GLI3: variants seen among roughly 807,000 people sequenced by gnomAD.
GLI3 encodes transcription activator GLI3.
In GLI3, 20 loss-of-function variants were observed where a neutral mutation model predicts 100.8. That is an observed-to-expected ratio of 0.20 (90% CI 0.14 to 0.29). The LOEUF is 0.29. GLI3 is among the 10% of genes least tolerant of loss of function. The pLI is 1.00. For synonymous variants in GLI3, 938 were observed against 860.5 expected (o/e 1.09, Z -1.58); for missense variants, 2,040 against 2,128.5 (o/e 0.96, Z 0.82).
intron 6 of GLI3, among the ~76,000 whole-genome samples, chr7:42,044,206 T>G (rs1784199285): frequency 6.6e-6 from 1 of 152,136 alleles, no homozygotes. Context: ...CCAAATAGAT[T>G]GTAAATGGAA....
intron 1 of GLI3, among the ~76,000 whole-genome samples, chr7:42,243,720 G>A (rs572563642): frequency 2.0e-5 from 3 of 152,312 alleles, no homozygotes; most frequent in African/African-American, 7.2e-5. Context: ...TGAGCCCCAT[G>A]TTAACATTCA....
chr7:42,132,171 G>A (rs1056418206), intron 3 of GLI3, among the ~76,000 whole-genome samples: 1 of 151,898 alleles, frequency 6.6e-6, no homozygotes, highest in African/African-American at 2.4e-5. Context: ...TTCAATCTCG[G>A]CTCACTGCAA....
chr7:42,065,174 A>C (rs1784649626), intron 4 of GLI3, among the ~76,000 whole-genome samples: 1 of 148,850 alleles, frequency 6.7e-6, no homozygotes, highest in Non-Finnish European at 1.5e-5. Flanking sequence ...ATTTTATAAA[A>C]ATTATATTTT....
chr7:42,261,978 CTCTT>C (rs141164464), intron 1 of GLI3, among the ~76,000 whole-genome samples: 112,486 of 140,318 alleles, frequency 0.8, 45,395 homozygotes, highest in Middle Eastern at 0.9. Context: ...CTCTCGCTCT[CTCTT>C]TCTTTCTTTC....
chr7:42,124,738 G>A (rs906175889), intron 3 of GLI3, among the ~76,000 whole-genome samples: 1 of 152,166 alleles, frequency 6.6e-6, no homozygotes, highest in African/African-American at 2.4e-5. Context: ...AAAGTGTCGG[G>A]ACAAAGTTTA....
intron 3 of GLI3, among the ~76,000 whole-genome samples, chr7:42,127,957 T>TGC (rs147965422): frequency 0.011 from 1,613 of 147,436 alleles, 25 homozygotes; most frequent in African/African-American, 0.038. Flanking sequence ...AGGCGGAAGT[T>TGC]GCAGTGAGCC....
chr7:42,217,480 C>T (rs1479137465), intron 2 of GLI3, among the ~76,000 whole-genome samples: 1 of 152,152 alleles, frequency 6.6e-6, no homozygotes, highest in Non-Finnish European at 1.5e-5. Flanking sequence ...CAGCACAAAC[C>T]ACCAGTTCAA....
At chr7:42,048,759 G>T in intron 4 of GLI3, 63 bp from the exon 5 acceptor site, 1 of 1,075,094 alleles carries the variant, frequency 9.3e-7, no homozygotes, top group Non-Finnish European at 1.4e-6. Flanking sequence ...ACAGGCAGAG[G>T]CTGTCTCTGA....
intron 1 of GLI3, among the ~76,000 whole-genome samples, chr7:42,244,471 G>T (rs1788953310): frequency 6.6e-6 from 1 of 152,136 alleles, no homozygotes; most frequent in African/African-American, 2.4e-5. Context: ...AATCAAAGTT[G>T]AGCCTGAAAT....
chr7:42,076,254 C>T (rs544339981), intron 4 of GLI3, among the ~76,000 whole-genome samples: 3 of 152,282 alleles, frequency 2.0e-5, no homozygotes, highest in East Asian at 1.9e-4. Context: ...ACCATGTGCT[C>T]GATCACATTT....
chr7:42,111,515 G>A (rs1006143819), intron 3 of GLI3, among the ~76,000 whole-genome samples: 4 of 152,144 alleles, frequency 2.6e-5, no homozygotes, highest in Non-Finnish European at 5.9e-5. Flanking sequence ...CATTACCACA[G>A]CCCAGACATG....
At chr7:42,084,615 G>A (rs1349141839) in intron 3 of GLI3, among the ~76,000 whole-genome samples, 2 of 152,218 alleles carry the variant, frequency 1.3e-5, no homozygotes, top group Non-Finnish European at 2.9e-5. Flanking sequence ...GAAATAACCA[G>A]AGGGAAAGGC....
At chr7:42,142,146 A>T (rs1167082550) in intron 3 of GLI3, among the ~76,000 whole-genome samples, 1 of 152,238 alleles carries the variant, frequency 6.6e-6, no homozygotes, top group Non-Finnish European at 1.5e-5. Flanking sequence ...ATATCCTTGT[A>T]AGATGGCTCT....
At chr7:41,996,240 A>G (rs1268651548) in intron 10 of GLI3, among the ~76,000 whole-genome samples, 2 of 152,166 alleles carry the variant, frequency 1.3e-5, no homozygotes, top group Admixed American at 6.5e-5. Flanking sequence ...TGAACTGGCT[A>G]ATTTTCCTAA....
At chr7:42,242,674 G>A (rs999903388), upstream of GLI3, among the ~76,000 whole-genome samples, 3 of 152,124 alleles carry the variant, frequency 2.0e-5, no homozygotes, top group African/African-American at 7.2e-5. Context: ...AAAACAAAGA[G>A]CCCTCCAGTT....
chr7:42,058,491 T>A (rs1273018028), intron 4 of GLI3, among the ~76,000 whole-genome samples: 1 of 152,230 alleles, frequency 6.6e-6, no homozygotes, highest in Non-Finnish European at 1.5e-5. Flanking sequence ...ATCAAATTGA[T>A]ACACATTTTT....
chr7:42,054,245 G>A (rs1361798836), intron 4 of GLI3, among the ~76,000 whole-genome samples: 1 of 152,172 alleles, frequency 6.6e-6, no homozygotes, highest in East Asian at 1.9e-4. Context: ...ATGTTGCAGA[G>A]AATAACTGGA....
At chr7:41,992,177 A>T (rs1349804981) in intron 10 of GLI3, among the ~76,000 whole-genome samples, 1 of 152,358 alleles carries the variant, frequency 6.6e-6, no homozygotes, top group South Asian at 2.1e-4. Context: ...ATCATCCAAG[A>T]AAGCTGTGAC....
intron 10 of GLI3, among the ~76,000 whole-genome samples, chr7:42,009,704 A>C (rs1387589324): frequency 1.3e-5 from 2 of 152,184 alleles, no homozygotes; most frequent in South Asian, 2.1e-4. Flanking sequence ...CGGCGTCATC[A>C]CTGTCCTCTC....
Sources: gnomAD v4.1 joint callset for allele counts (sites outside exome capture counted in the v4.1 genomes callset) on GRCh38, gnomAD v4.1.1 for gene constraint, MANE v1.5 for transcripts, NCBI Gene and HGNC (gene_info 2026-07-23, HGNC 2026-07-21) for gene names.